MIPOL1: variants seen among roughly 807,000 people sequenced by gnomAD.
MIPOL1 encodes the protein mirror-image polydactyly gene 1 protein.
A neutral mutation model predicts 60.9 loss-of-function variants in MIPOL1; 57 were observed. The observed-to-expected ratio is 0.94, with a 90% confidence interval of 0.76 to 1.17. The LOEUF (loss-of-function observed/expected upper bound fraction) is 1.17, where lower values mean the gene tolerates loss of function less well. Among genes scored for constraint, MIPOL1 ranks in the 50% most tolerant of loss-of-function variants. MIPOL1 has a pLI of 0.00. For synonymous variants in MIPOL1, 179 were observed against 168.8 expected, an observed-to-expected ratio of 1.06 and a Z score of -0.47; for missense variants, 551 against 511.6, an observed-to-expected ratio of 1.08 and a Z score of -0.74.
At chr14:37,504,781 C>G (rs569449148) in intron 12 of MIPOL1, 1 of 151,972 alleles carries the variant, frequency 6.6e-6, no homozygotes, top group Non-Finnish European at 1.5e-5. Flanking sequence ...AAGATGGAGA[C>G]GCAAAAAACC....
intron 11 of MIPOL1, among the ~76,000 whole-genome samples, chr14:37,424,623 G>C (rs1002323096): frequency 2.3e-4 from 35 of 152,266 alleles, no homozygotes; most frequent in African/African-American, 8.4e-4. Flanking sequence ...GGCTGTCCTT[G>C]GAAACTAATG....
At chr14:37,508,668 A>T (rs1194177228) in intron 12 of MIPOL1, among the ~76,000 whole-genome samples, 1 of 152,160 alleles carries the variant, frequency 6.6e-6, no homozygotes, top group Non-Finnish European at 1.5e-5. Context: ...TTGATGAGCT[A>T]ATACATGTAA....
intron 1 of MIPOL1, among the ~76,000 whole-genome samples, chr14:37,230,219 T>A (rs1009606288): frequency 6.6e-6 from 1 of 152,158 alleles, no homozygotes; most frequent in South Asian, 2.1e-4. Context: ...TTAAAAATCA[T>A]TATTAAGAGG....
chr14:37,341,443 T>G (rs147894006), intron 9 of MIPOL1, among the ~76,000 whole-genome samples: 2 of 152,348 alleles, frequency 1.3e-5, no homozygotes, highest in Non-Finnish European at 1.5e-5. Context: ...TTTTCATTAG[T>G]TTACCATAGA....
intron 10 of MIPOL1, among the ~76,000 whole-genome samples, chr14:37,391,190 A>G (rs1021416481): frequency 1.3e-5 from 2 of 152,120 alleles, no homozygotes; most frequent in Admixed American, 1.3e-4. Context: ...GTGGAATGTG[A>G]CATAGTGGCA....
At chr14:37,451,949 G>A (rs1341117651) in intron 11 of MIPOL1, among the ~76,000 whole-genome samples, 1 of 150,084 alleles carries the variant, frequency 6.7e-6, no homozygotes, top group Non-Finnish European at 1.5e-5. Flanking sequence ...CGAGTAGCTG[G>A]GACTACAGGC....
chr14:37,421,491 A>G (rs1447833148), intron 10 of MIPOL1, among the ~76,000 whole-genome samples: 1 of 152,136 alleles, frequency 6.6e-6, no homozygotes, highest in Non-Finnish European at 1.5e-5. Context: ...TGGTATACTG[A>G]AAATTGGAAA....
chr14:37,375,191 T>C (rs1340451466), intron 10 of MIPOL1, among the ~76,000 whole-genome samples: 1 of 151,972 alleles, frequency 6.6e-6, no homozygotes, highest in Middle Eastern at 3.2e-3. Context: ...TCTACCCTTT[T>C]TAATAATTAT....
intron 12 of MIPOL1, among the ~76,000 whole-genome samples, chr14:37,522,475 T>C (rs1284737857): frequency 6.6e-6 from 1 of 152,174 alleles, no homozygotes; most frequent in Non-Finnish European, 1.5e-5. Flanking sequence ...TATATCGTTC[T>C]CTTATGCCAA....
chr14:37,232,790 A>G (rs1196888533), intron 1 of MIPOL1, among the ~76,000 whole-genome samples: 4 of 152,158 alleles, frequency 2.6e-5, no homozygotes, highest in Non-Finnish European at 5.9e-5. Context: ...ATATTTTCTA[A>G]TTCTGGAGAT....
chr14:37,348,058 C>T (rs558684145), intron 9 of MIPOL1, among the ~76,000 whole-genome samples: 1 of 152,222 alleles, frequency 6.6e-6, no homozygotes, highest in Non-Finnish European at 1.5e-5. Flanking sequence ...CCTCATTCGC[C>T]TTTCTGGCTC....
intron 12 of MIPOL1, among the ~76,000 whole-genome samples, chr14:37,510,070 T>C (rs1274480207): frequency 6.6e-6 from 1 of 151,958 alleles, no homozygotes; most frequent in African/African-American, 2.4e-5. Context: ...TGTATACATA[T>C]AGACTATATG....
rs550244488 is a variant in MIPOL1 at position 37,212,776 on chromosome 14, T to A, written c.-199+14672T>A. 7.9e-4 allele frequency among the ~76,000 whole-genome samples: 121 copies of A among 152,306 alleles called. 1 individual carries two copies. The highest frequency in any genetic ancestry group is 3.4e-3 in the Middle Eastern group (1 of 294). On this transcript the variant is annotated intron_variant, in intron 1 of 12. Transcript: ENST00000684589. ...AGGCTTTGGGCGAGATCTAATGCTG[T>A]GCTGGCTTCAGGTCAGACCCTACAT...
chr14:37,509,493 A>G (rs1365988909), intron 12 of MIPOL1, among the ~76,000 whole-genome samples: 2 of 151,938 alleles, frequency 1.3e-5, no homozygotes, highest in East Asian at 3.9e-4. Context: ...TTGCAGGATG[A>G]ATTATAGAAC....
chr14:37,380,891 C>T (rs2092906708), intron 10 of MIPOL1, among the ~76,000 whole-genome samples: 1 of 152,100 alleles, frequency 6.6e-6, no homozygotes. Context: ...GCCCAACAGG[C>T]AGATGTATCA....
At chr14:37,350,404 T>C (rs2091268526) in intron 9 of MIPOL1, among the ~76,000 whole-genome samples, 1 of 151,916 alleles carries the variant, frequency 6.6e-6, no homozygotes, top group Admixed American at 6.6e-5. Context: ...TCTTTTCTTT[T>C]TCTTTCTTTC....
chr14:37,506,867 C>G (rs2095281901), intron 12 of MIPOL1: 1 of 152,022 alleles, frequency 6.6e-6, no homozygotes, highest in African/African-American at 2.4e-5. Context: ...GGGCTAATAT[C>G]CAGAATGTAC....
At chr14:37,544,078 G>C (rs536011111) in intron 12 of MIPOL1, among the ~76,000 whole-genome samples, 1 of 152,288 alleles carries the variant, frequency 6.6e-6, no homozygotes, top group South Asian at 2.1e-4. Context: ...AAGGCAGTTG[G>C]ATAAGTGAGT....
intron 11 of MIPOL1, among the ~76,000 whole-genome samples, chr14:37,427,573 G>A (rs1453758355): frequency 1.3e-5 from 2 of 152,108 alleles, no homozygotes; most frequent in Non-Finnish European, 2.9e-5. Context: ...TAAATTTTAT[G>A]TTGTCATTTT....
Sources: allele counts gnomAD v4.1 joint callset (sites outside exome capture counted in the v4.1 genomes callset), GRCh38; gene constraint gnomAD v4.1.1; transcripts MANE v1.5; gene names NCBI Gene and HGNC (gene_info 2026-07-23, HGNC 2026-07-21).